HNRNPM: variants seen among roughly 807,000 people sequenced by gnomAD.
HNRNPM encodes heterogeneous nuclear ribonucleoprotein M, also known as CEA receptor.
In HNRNPM, 11 loss-of-function variants were observed where a neutral mutation model predicts 73.1. That is an observed-to-expected ratio of 0.15 (90% CI 0.09 to 0.25). The LOEUF is 0.25. HNRNPM is among the 10% of genes least tolerant of loss of function. The pLI is 1.00. For missense variants in HNRNPM, 789 were observed against 1,067.9 expected (o/e 0.74, Z 3.64); for synonymous variants, 407 against 355.2 (o/e 1.15, Z -1.64).
At chr19:8,475,341 TTA>T (rs1970425422) in intron 12 of HNRNPM, among the ~76,000 whole-genome samples, 1 of 152,224 alleles carries the variant, frequency 6.6e-6, no homozygotes, top group African/African-American at 2.4e-5. Flanking sequence ...TTGAAATCCT[TTA>T]TGTGTTGGTG....
chr19:8,487,708 C>T, intron 15 of HNRNPM: 1 of 152,886 alleles, frequency 6.5e-6, no homozygotes, highest in Non-Finnish European at 1.5e-5. Flanking sequence ...TGCTTCCGCA[C>T]TGTCCTCCCG....
chr19:8,474,823 T>G (rs747062115), intron 12 of HNRNPM, among the ~76,000 whole-genome samples: 1 of 151,660 alleles, frequency 6.6e-6, no homozygotes, highest in Non-Finnish European at 1.5e-5. Context: ...CAAGTGATTC[T>G]CCTGCCCCAG....
intron 1 of HNRNPM, chr19:8,445,416 A>G (rs952654792): frequency 3.6e-6 from 1 of 275,936 alleles, no homozygotes; most frequent in Non-Finnish European, 6.8e-6. Context: ...GCGGGCCCGG[A>G]CCGGAGAGCC....
At chr19:8,449,209 T>G (rs1968441087) in intron 1 of HNRNPM, among the ~76,000 whole-genome samples, 1 of 152,222 alleles carries the variant, frequency 6.6e-6, no homozygotes, top group South Asian at 2.1e-4. Flanking sequence ...GCCAGGCCTT[T>G]GCTTTCACTC....
At chr19:8,474,915 A>G (rs1970398249) in intron 12 of HNRNPM, among the ~76,000 whole-genome samples, 2 of 152,170 alleles carry the variant, frequency 1.3e-5, no homozygotes, top group East Asian at 1.9e-4. Flanking sequence ...GAGTTTCACC[A>G]TGTTGGCCAG....
chr19:8,465,179 C>G, intron 5 of HNRNPM, 145 bp from the exon 6 acceptor site: 1 of 656,036 alleles, frequency 1.5e-6, no homozygotes, highest in East Asian at 2.8e-5. Context: ...TAGTTGAGTT[C>G]ATTTGACTTT....
intron 12 of HNRNPM, among the ~76,000 whole-genome samples, chr19:8,475,910 T>C (rs998767862): frequency 0.048 from 5,107 of 105,442 alleles, 177 homozygotes; most frequent in African/African-American, 0.1. Context: ...TCTCTCTTTT[T>C]TTTTTTTTTT....
chr19:8,483,910 C>T (rs912525510), intron 13 of HNRNPM, among the ~76,000 whole-genome samples: 2 of 152,124 alleles, frequency 1.3e-5, no homozygotes, highest in Admixed American at 6.6e-5. Context: ...GGACTACAGG[C>T]GTGTGCCACC....
chr19:8,460,846 A>G (rs1317113950), intron 2 of HNRNPM, among the ~76,000 whole-genome samples: 2 of 151,232 alleles, frequency 1.3e-5, no homozygotes, highest in Admixed American at 6.6e-5. Context: ...TTTTGACACT[A>G]TGTGGCATTT....
chr19:8,445,967 T>G (rs145557635), intron 1 of HNRNPM, among the ~76,000 whole-genome samples: 170 of 152,330 alleles, frequency 1.1e-3, no homozygotes, highest in African/African-American at 3.8e-3. Context: ...TTTGACTCCT[T>G]GGCTTTTAAA....
intron 1 of HNRNPM, among the ~76,000 whole-genome samples, chr19:8,455,101 A>G (rs1968913536): frequency 6.6e-6 from 1 of 151,846 alleles, no homozygotes; most frequent in Admixed American, 6.6e-5. Flanking sequence ...CACCCTCCCT[A>G]CTAGCTAGTA....
intron 10 of HNRNPM, among the ~76,000 whole-genome samples, chr19:8,471,769 G>A (rs982504877): frequency 1.1e-4 from 16 of 152,156 alleles, no homozygotes; most frequent in Non-Finnish European, 2.2e-4. Flanking sequence ...CTGACCACGG[G>A]ACCATAGCAC....
intron 10 of HNRNPM, 33 bp from the exon 11 acceptor site, chr19:8,473,631 A>G (rs1173365018): frequency 1.4e-6 from 2 of 1,398,812 alleles, no homozygotes; most frequent in African/African-American, 1.4e-5. Flanking sequence ...GCTTTGACAT[A>G]ATTTTAGTTT....
In HNRNPM at chr19:8,459,206, C is replaced by T. The variant is rs193247297; in HGVS notation, c.284-3323C>T. On this transcript the variant is annotated intron_variant, in intron 2 of 15. Transcript: ENST00000325495. ...CCTTCCAAAGTGCTAGGATTACAGG[C>T]CTGGCCGCAGCCTGCATTTTAGAAA... Among the ~76,000 whole-genome samples, 21 of 152,316 alleles carry T rather than the reference C, an allele frequency of 1.4e-4. No homozygotes were observed. The East Asian group carries it at 3.5e-3, about 25-fold the overall frequency.
intron 2 of HNRNPM, among the ~76,000 whole-genome samples, chr19:8,459,966 G>T (rs2145646489): frequency 6.6e-6 from 1 of 152,292 alleles, no homozygotes; most frequent in South Asian, 2.1e-4. Context: ...TGTCTTAGCA[G>T]CCTACTCTTG....
At chr19:8,474,059 G>A (rs1970338328) in intron 11 of HNRNPM, 108 bp from the exon 12 acceptor site, 1 of 805,252 alleles carries the variant, frequency 1.2e-6, no homozygotes, top group Non-Finnish European at 1.9e-6. Flanking sequence ...AACTTGGTAA[G>A]TTCTTGGCAG....
Position 8,485,796 on chromosome 19 carries a change from C to A in HNRNPM, c.1368C>A (p.Arg456=). ...SVERMGSGIE[R]MGPLGLDHMA... is the part of the protein sequence containing the mutation. ...AGCGCATGGGCTCCGGCATTGAGCG[C>A]ATGGGCCCGCTGGGCCTCGACCACA... The change falls in exon 14 of 16, where the codon CGC becomes CGA. Residue 456 remains arginine, a synonymous_variant. Transcript: ENST00000325495. 1 of 1,603,250 alleles carries A rather than the reference C, an allele frequency of 6.2e-7. No homozygotes were observed. Among genetic ancestry groups the A allele is most frequent in the Non-Finnish European group, 8.5e-7 (1 of 1,179,238 alleles).
intron 1 of HNRNPM, among the ~76,000 whole-genome samples, chr19:8,450,735 T>A (rs200358539): frequency 0.23 from 34,700 of 148,282 alleles, 4,965 homozygotes; most frequent in East Asian, 0.5. Context: ...TTATTTTTTT[T>A]TTTTTTGAGA....
chr19:8,449,937 G>T (rs1968487958), intron 1 of HNRNPM, among the ~76,000 whole-genome samples: 1 of 152,218 alleles, frequency 6.6e-6, no homozygotes, highest in African/African-American at 2.4e-5. Flanking sequence ...ATGCAGTACT[G>T]CTTCCCTAGA....
Sources: gnomAD v4.1 joint callset for allele counts (sites outside exome capture counted in the v4.1 genomes callset) on GRCh38, gnomAD v4.1.1 for gene constraint, MANE v1.5 for transcripts, NCBI Gene and HGNC (gene_info 2026-07-23, HGNC 2026-07-21) for gene names.